PLEKHA6: variants seen among roughly 807,000 people sequenced by gnomAD.
PLEKHA6 encodes pleckstrin homology domain-containing family A member 6.
Under a neutral mutation model 116.7 loss-of-function variants are expected in PLEKHA6, and 60 were observed. The ratio of observed to expected loss-of-function variants is 0.51; its 90% CI spans 0.42 to 0.64. PLEKHA6 has a LOEUF of 0.64. Among genes scored for constraint, PLEKHA6 ranks in the 30% least tolerant of loss-of-function variants. PLEKHA6 has a pLI of 0.00. For missense variants in PLEKHA6, 1,338 were observed against 1,422.7 expected (o/e 0.94, Z 0.96); for synonymous variants, 489 against 556.1 (o/e 0.88, Z 1.70).
chr1:204,302,648 G>A (rs574782432), intron 1 of PLEKHA6, among the ~76,000 whole-genome samples: 185 of 152,236 alleles, frequency 1.2e-3, no homozygotes, highest in African/African-American at 4.3e-3. Flanking sequence ...AGGCCGAGGC[G>A]GGCAGATTAC....
At position 204,257,753 on chromosome 1, in the gene PLEKHA6, C is replaced by G; in HGVS notation, c.1124G>C (p.Cys375Ser). 6.2e-7 allele frequency: 1 copy of G among 1,613,778 alleles called. No homozygotes were observed. The highest frequency in any genetic ancestry group is 2.2e-5 in the East Asian group (1 of 44,874). The change falls in exon 9 of 23, where the codon TGT becomes TCT. Residue 375 changes from cysteine (C) to serine (S), a missense_variant. By Grantham distance (112) the Cys-to-Ser change is moderately radical. Coordinates refer to ENST00000272203, the MANE Select transcript of PLEKHA6 (RefSeq NM_014935.5). The surrounding 1 kb of genome is among the most constrained non-coding windows in gnomAD (Gnocchi z 6.5). ...YPPGVRPESICSMPAYDRISP... is the reference protein window; with the variant it reads ...YPPGVRPESISSMPAYDRISP... The stretch of plus-strand genomic sequence containing the variant: ...GATCCGATCATAGGCCGGCATGGAA[C>G]AGATGCTCTCCGGCCGCACTCCTGG...
chr1:204,371,425 G>A (rs1673776993), intron 2 of PLEKHA6: 1 of 152,324 alleles, frequency 6.6e-6, no homozygotes, highest in Non-Finnish European at 1.5e-5. Flanking sequence ...CATCCATGGA[G>A]AAAGGAAAAA....
chr1:204,224,327 C>T (rs1660034083), intron 21 of PLEKHA6, among the ~76,000 whole-genome samples: 1 of 151,996 alleles, frequency 6.6e-6, no homozygotes, highest in Admixed American at 6.5e-5. Flanking sequence ...TGGGGACAAG[C>T]TCTATGCAGT....
intron 1 of PLEKHA6, among the ~76,000 whole-genome samples, chr1:204,332,278 C>T (rs1672481581): frequency 6.6e-6 from 1 of 152,204 alleles, no homozygotes; most frequent in African/African-American, 2.4e-5. Context: ...CGCCACCTCC[C>T]ACCTCCCCAC....
intron 1 of PLEKHA6, among the ~76,000 whole-genome samples, chr1:204,330,013 C>G (rs1293725998): frequency 6.6e-6 from 1 of 151,794 alleles, no homozygotes; most frequent in Non-Finnish European, 1.5e-5. Flanking sequence ...TGATTTGGAT[C>G]CAAATTTAAA....
In PLEKHA6 at chr1:204,228,309, G is replaced by A. The variant is rs1660667045; in HGVS notation, c.2886-81C>T. 7.2e-7 allele frequency: 1 copy of A among 1,392,012 alleles called. No individual in the cohort carries two copies. The highest frequency in any genetic ancestry group is 9.8e-7 in the Non-Finnish European group (1 of 1,016,096). 86.2% of individuals were successfully genotyped at this position (1,392,012 alleles called of 1,614,324 possible). On this transcript the variant is annotated intron_variant, in intron 20 of 22. Coordinates refer to ENST00000272203, the MANE Select transcript of PLEKHA6 (RefSeq NM_014935.5). The surrounding 1 kb of genome is among the most constrained non-coding windows in gnomAD (Gnocchi z 4.0). ...TTGAGGGGGCCTGCGGACTGAGGTT[G>A]GCAGGGAGGGCCAGGGCCCCGTGAA...
chr1:204,250,856 T>A (rs1210627971), intron 9 of PLEKHA6, among the ~76,000 whole-genome samples: 1 of 152,110 alleles, frequency 6.6e-6, no homozygotes, highest in Non-Finnish European at 1.5e-5. Context: ...TCTGCTTGAG[T>A]CATGCTCTGT....
rs1399196059 is a variant in PLEKHA6, at chr1:204,221,204, G to T, written c.*1584C>A. 1 of 152,660 alleles carries T rather than the reference G, an allele frequency of 6.6e-6. No homozygotes were observed. The highest frequency in any genetic ancestry group is 2.4e-5 in the African/African-American group (1 of 41,462). 9.5% of individuals were successfully genotyped at this position (152,660 alleles called of 1,614,324 possible). On this transcript the variant is annotated 3_prime_UTR_variant, in exon 23 of 23. Coordinates refer to ENST00000272203, the MANE Select transcript of PLEKHA6 (RefSeq NM_014935.5). The stretch of plus-strand genomic sequence containing the variant: ...TACAACAGTGCCTGGTACATAAAAG[G>T]TGCTCGATAAATATTTGTTGAGTAA...
intron 8 of PLEKHA6, among the ~76,000 whole-genome samples, chr1:204,258,291 G>A (rs1449201460): frequency 6.6e-6 from 1 of 152,170 alleles, no homozygotes; most frequent in Non-Finnish European, 1.5e-5. Flanking sequence ...TTAGAGATGA[G>A]GTCCATTCTG....
At chr1:204,270,260 T>A (rs992437645) in intron 3 of PLEKHA6, among the ~76,000 whole-genome samples, 2 of 152,192 alleles carry the variant, frequency 1.3e-5, no homozygotes, top group East Asian at 3.8e-4. Flanking sequence ...ATCACACTTT[T>A]ATTATTTTAT....
At chr1:204,336,404 A>ACTTATTT (rs1306721875) in intron 1 of PLEKHA6, among the ~76,000 whole-genome samples, 9 of 152,322 alleles carry the variant, frequency 5.9e-5, no homozygotes, top group Non-Finnish European at 1.2e-4. Context: ...TCCAGCCCCA[A>ACTTATTT]CTTATTTATC....
intron 17 of PLEKHA6, 86 bp downstream of exon 17, chr1:204,241,289 C>A (rs755152716): frequency 8.7e-6 from 7 of 808,218 alleles, no homozygotes; most frequent in Non-Finnish European, 1.4e-5. Context: ...ATTTCTTGAA[C>A]AGCAGAGGGA....
chr1:204,356,000 C>CACA (rs1013336939), intron 1 of PLEKHA6, among the ~76,000 whole-genome samples: 1,431 of 47,722 alleles, frequency 0.03, 6 homozygotes, highest in South Asian at 0.076. Context: ...CACACACACA[C>CACA]AAAAAAAATC....
At chr1:204,233,457 C>T (rs1240748227) in intron 17 of PLEKHA6, among the ~76,000 whole-genome samples, 1 of 151,852 alleles carries the variant, frequency 6.6e-6, no homozygotes, top group East Asian at 1.9e-4. Flanking sequence ...TCTCCTGCCT[C>T]AGTCTCCTGA....
intron 17 of PLEKHA6, among the ~76,000 whole-genome samples, chr1:204,240,519 CT>C (rs1474370830): frequency 1.3e-5 from 2 of 152,170 alleles, no homozygotes; most frequent in Non-Finnish European, 2.9e-5. Flanking sequence ...ATTTCATTTC[CT>C]TTTCCTTTAT....
At chr1:204,312,360 G>T (rs186723487) in intron 1 of PLEKHA6, among the ~76,000 whole-genome samples, 5 of 152,262 alleles carry the variant, frequency 3.3e-5, no homozygotes, top group African/African-American at 1.2e-4. Flanking sequence ...GGGTGTTCAG[G>T]CCTTCCTGGG....
chr1:204,309,291 C>T (rs1671564633), intron 1 of PLEKHA6, among the ~76,000 whole-genome samples: 1 of 152,144 alleles, frequency 6.6e-6, no homozygotes. Context: ...CCAGACTGAA[C>T]CTTAAACTCA....
At chr1:204,368,651 T>TC (rs1673715615) in intron 2 of PLEKHA6, 1 of 152,756 alleles carries the variant, frequency 6.5e-6, no homozygotes, top group Non-Finnish European at 1.5e-5. Flanking sequence ...CTGGGCAGCA[T>TC]CCCGCCTCCC....
chr1:204,367,153 A>C (rs905984102), intron 3 of PLEKHA6, among the ~76,000 whole-genome samples: 2 of 152,218 alleles, frequency 1.3e-5, no homozygotes, highest in African/African-American at 2.4e-5. Flanking sequence ...GCACCACCCC[A>C]GCCCAAAGAG....
Sources: allele counts gnomAD v4.1 joint callset (sites outside exome capture counted in the v4.1 genomes callset), GRCh38; gene constraint gnomAD v4.1.1; non-coding constraint Gnocchi (gnomAD v3.1); transcripts MANE v1.5; gene names NCBI Gene and HGNC (gene_info 2026-07-23, HGNC 2026-07-21).